ZBTB46: variants seen among roughly 807,000 people sequenced by gnomAD.
ZBTB46 encodes the protein zinc finger and BTB domain containing 46, also known as zinc finger and BTB domain-containing protein 46.
In ZBTB46, 8 loss-of-function variants were observed where a neutral mutation model predicts 44.1. The observed-to-expected ratio is 0.18, with a 90% CI of 0.11 to 0.33. The LOEUF (loss-of-function observed/expected upper bound fraction) is 0.33, where lower values mean the gene tolerates loss of function less well. ZBTB46 is among the 10% of genes least tolerant of loss of function. The pLI is 1.00. For synonymous variants in ZBTB46, 409 were observed against 382.3 expected (o/e 1.07, Z -0.81); for missense variants, 651 against 847.7 (o/e 0.77, Z 2.88).
chr20:63,774,972 G>A (rs2092411777), intron 3 of ZBTB46, among the ~76,000 whole-genome samples: 1 of 152,142 alleles, frequency 6.6e-6, no homozygotes, highest in African/African-American at 2.4e-5. Context: ...CAAAGTGCTG[G>A]GATTGCAGGC....
upstream of ZBTB46, among the ~76,000 whole-genome samples, chr20:63,832,603 A>G (rs903726239): frequency 7.9e-5 from 12 of 151,938 alleles, no homozygotes; most frequent in African/African-American, 2.9e-4. This position sits in a 1 kb window ranked among gnomAD's most constrained non-coding sequence, Gnocchi z 5.0. Context: ...CGCCTGGGAC[A>G]CTCCCTTACT....
Position 63,787,778 on chromosome 20 carries a change from T to C in ZBTB46, c.937+2043A>G, listed in dbSNP as rs922691193. ...AATGGTTAAAATGGTAAGGTTTACA[T>C]TATGTATGTTCTACCACAATGATAA... is the stretch of plus-strand genomic sequence containing the variant. On this transcript the variant is annotated intron_variant, in intron 2 of 4. Coordinates refer to ENST00000245663, the MANE Select transcript of ZBTB46 (RefSeq NM_001369741.1). This position sits in a 1 kb window ranked among gnomAD's most constrained non-coding sequence, Gnocchi z 4.6. The C allele has an allele frequency of 6.6e-6, 1 of 152,258 alleles. No individual in the cohort carries two copies. Among genetic ancestry groups the C allele is most frequent in the African/African-American group, 2.4e-5 (1 of 41,468 alleles). The allele number at this position is 152,258 out of a possible 1,614,324, so 9.4% of individuals were successfully genotyped here.
intron 1 of ZBTB46, among the ~76,000 whole-genome samples, chr20:63,813,293 AC>A (rs1467314765): frequency 1.3e-5 from 2 of 151,466 alleles, no homozygotes; most frequent in South Asian, 2.1e-4. Flanking sequence ...TACTAAAAAT[AC>A]AAAAATTAGC....
At chr20:63,816,217 GCC>G in intron 1 of ZBTB46, 1 of 236,222 alleles carries the variant, frequency 4.2e-6, no homozygotes, top group South Asian at 3.9e-5. Context: ...CAAAGGGGGT[GCC>G]CAGAGGAGGG....
At chr20:63,804,373 A>C (rs1368527354) in intron 1 of ZBTB46, among the ~76,000 whole-genome samples, 1 of 152,200 alleles carries the variant, frequency 6.6e-6, no homozygotes, top group Non-Finnish European at 1.5e-5. Flanking sequence ...GGAACAGGTC[A>C]GATCTGTAAA....
chr20:63,747,060 T>G lies in ZBTB46; in HGVS notation c.1640A>C (p.Glu547Ala). Residue 547 changes from glutamate (E) to alanine (A), a missense_variant, in exon 5 of 5, where the codon GAG (glutamate) becomes GCG (alanine). Physicochemically the swap from Glu to Ala is moderately radical, Grantham distance 107. Coordinates refer to ENST00000245663, the MANE Select transcript of ZBTB46 (RefSeq NM_001369741.1). ...DPEDPRGEAE[E>A]LGEDDEGLAP... is the part of the protein sequence containing the mutation. ...CAGGCCCTCGTCGTCCTCGCCCAGC[T>G]CCTCCGCCTCCCCTCGTGGGTCCTC... 1 of 1,608,708 alleles carries G rather than the reference T, an allele frequency of 6.2e-7. No individual in the cohort carries two copies. The highest frequency in any genetic ancestry group is 1.7e-5 in the Admixed American group (1 of 59,992).
intron 1 of ZBTB46, among the ~76,000 whole-genome samples, chr20:63,794,102 C>G (rs931396585): frequency 6.6e-6 from 1 of 151,042 alleles, no homozygotes; most frequent in Admixed American, 6.6e-5. Flanking sequence ...AGGAGAATAG[C>G]GTGAACCCGG....
intron 1 of ZBTB46, among the ~76,000 whole-genome samples, chr20:63,796,809 G>A (rs1013952089): frequency 6.6e-6 from 1 of 152,036 alleles, no homozygotes; most frequent in East Asian, 1.9e-4. Flanking sequence ...TGGGCAACAA[G>A]AGTAAGACTC....
At chr20:63,777,513 G>A (rs1027411982) in intron 2 of ZBTB46, among the ~76,000 whole-genome samples, 2 of 152,172 alleles carry the variant, frequency 1.3e-5, no homozygotes, top group Admixed American at 1.3e-4. Flanking sequence ...AGGATGGGAA[G>A]AAATCAGAAC....
chr20:63,750,413 A>G (rs1044239147), intron 4 of ZBTB46, among the ~76,000 whole-genome samples: 1 of 148,846 alleles, frequency 6.7e-6, no homozygotes, highest in African/African-American at 2.5e-5. Context: ...TTTTTTTTTA[A>G]TTTTTTGTAG....
At position 63,776,439 on chromosome 20, in the gene ZBTB46, C is replaced by G. The variant is rs191820479; in HGVS notation, c.938-477G>C. On this transcript the variant is annotated intron_variant, in intron 2 of 4. Transcript: ENST00000245663. ...AGATTTGGCAATAGGTTCTTAGATA[C>G]AAAACCAAGCACAAGCAACAAAATA... 3.1e-3 allele frequency among the ~76,000 whole-genome samples: 469 copies of G among 152,326 alleles called. 9 individuals are homozygous for G. Among genetic ancestry groups the G allele is most frequent in the Non-Finnish European group, 1.2e-3 (79 of 68,036 alleles).
rs1337761888 is a variant in ZBTB46, at chr20:63,774,315, A to G, written c.1222+1363T>C. On this transcript the variant is annotated intron_variant, in intron 3 of 4. Transcript: ENST00000245663. ...CACACCAACGCGAAAATTCGAAAGAATATTTTAGTGCTTATGAAAACAAAG... is the reference window on the plus strand; with the variant it reads ...CACACCAACGCGAAAATTCGAAAGAGTATTTTAGTGCTTATGAAAACAAAG... 2.0e-5 allele frequency among the ~76,000 whole-genome samples: 3 copies of G among 152,354 alleles called. No individual in the cohort carries two copies. The East Asian group carries it at 5.8e-4, about 29-fold the overall frequency.
intron 1 of ZBTB46, among the ~76,000 whole-genome samples, chr20:63,809,517 G>T (rs1201339757): frequency 1.3e-5 from 2 of 152,146 alleles, no homozygotes; most frequent in Non-Finnish European, 2.9e-5. Flanking sequence ...GAGGACTCCG[G>T]GAGACAGCAG....
At chr20:63,750,634 G>A (rs2092151545) in intron 4 of ZBTB46, among the ~76,000 whole-genome samples, 1 of 152,146 alleles carries the variant, frequency 6.6e-6, no homozygotes, top group Non-Finnish European at 1.5e-5. Context: ...GTCGGACACA[G>A]TGGCTCACAC....
At chr20:63,806,927 C>T (rs966523973) in intron 1 of ZBTB46, among the ~76,000 whole-genome samples, 1 of 152,134 alleles carries the variant, frequency 6.6e-6, no homozygotes. Flanking sequence ...GGACTACCAG[C>T]GCCCGCCACC....
At chr20:63,756,521 CTG>C (rs141006385) in intron 3 of ZBTB46, among the ~76,000 whole-genome samples, 4,066 of 152,316 alleles carry the variant, frequency 0.027, 162 homozygotes, top group African/African-American at 0.093. Flanking sequence ...TCACTTAACT[CTG>C]TGTTAGAATG....
chr20:63,783,332 G>A (rs1018190827), intron 2 of ZBTB46, among the ~76,000 whole-genome samples: 2 of 152,202 alleles, frequency 1.3e-5, no homozygotes, highest in African/African-American at 4.8e-5. Flanking sequence ...GGGAGGCTGA[G>A]GCAGGAGAAT....
chr20:63,778,459 AGGGGCAT>A (rs746759646), intron 2 of ZBTB46, among the ~76,000 whole-genome samples: 9 of 152,184 alleles, frequency 5.9e-5, no homozygotes, highest in Non-Finnish European at 1.2e-4. Flanking sequence ...ACAGAAACAC[AGGGGCAT>A]GGGGCAGGGG....
chr20:63,775,982 C>A lies in ZBTB46; in HGVS notation c.938-20G>T, dbSNP rs374583660. On this transcript the variant is annotated intron_variant, in intron 2 of 4. Coordinates refer to ENST00000245663, the MANE Select transcript of ZBTB46 (RefSeq NM_001369741.1). ...CCGCATCTGGGGACAGAGGGACACA[C>A]GTCAGAAGACACGGGTCGTTCCCAG... 5.3e-6 allele frequency: 8 copies of A among 1,523,584 alleles called. No individual in the cohort carries two copies. The Admixed American group carries it at 1.0e-4, about 20-fold the overall frequency. The allele number at this position is 1,523,584 out of a possible 1,614,324, so 94.4% of individuals were successfully genotyped here.
Sources: gnomAD v4.1 joint callset for allele counts (sites outside exome capture counted in the v4.1 genomes callset) on GRCh38, gnomAD v4.1.1 for gene constraint, Gnocchi (gnomAD v3.1) non-coding constraint, MANE v1.5 for transcripts, NCBI Gene and HGNC (gene_info 2026-07-23, HGNC 2026-07-21) for gene names.